Variants in CLSTN2 observed in about 807,000 individuals in gnomAD.
CLSTN2 encodes the protein calsyntenin-2.
Under a neutral mutation model 101.2 loss-of-function variants are expected in CLSTN2, and 48 were observed. The observed-to-expected ratio is 0.47, with a 90% confidence interval of 0.38 to 0.60. The LOEUF is 0.60. Among genes scored for constraint, CLSTN2 ranks in the 20% least tolerant of loss-of-function variants. The pLI is 0.00. For synonymous variants in CLSTN2, 481 were observed against 463.6 expected, an observed-to-expected ratio of 1.04 and a Z score of -0.48; for missense variants, 1,160 against 1,238.2, an observed-to-expected ratio of 0.94 and a Z score of 0.95.
intron 10 of CLSTN2, among the ~76,000 whole-genome samples, chr3:140,547,134 A>G (rs886224411): frequency 2.0e-5 from 3 of 152,236 alleles, no homozygotes; most frequent in African/African-American, 4.8e-5. Flanking sequence ...ATGAGAAAGC[A>G]GGTATGGAGG....
At chr3:140,430,142 G>A (rs942642616) in intron 5 of CLSTN2, among the ~76,000 whole-genome samples, 32 of 152,280 alleles carry the variant, frequency 2.1e-4, no homozygotes, top group African/African-American at 7.5e-4. Flanking sequence ...GTGGGCTCAG[G>A]GCATTGCCAG....
chr3:140,144,639 C>T (rs892006995), intron 1 of CLSTN2, among the ~76,000 whole-genome samples: 1 of 152,050 alleles, frequency 6.6e-6, no homozygotes. Context: ...ACTTAAAATG[C>T]TTCCACCCAT....
At chr3:140,056,500 T>C (rs907977723) in intron 1 of CLSTN2, among the ~76,000 whole-genome samples, 2 of 152,194 alleles carry the variant, frequency 1.3e-5, no homozygotes, top group African/African-American at 4.8e-5. Flanking sequence ...AGGACAGGAC[T>C]GAACTCTGTA....
intron 1 of CLSTN2, among the ~76,000 whole-genome samples, chr3:140,102,547 G>T (rs1379430706): frequency 2.0e-5 from 3 of 152,176 alleles, no homozygotes; most frequent in Non-Finnish European, 2.9e-5. Flanking sequence ...ACTGTGGGTT[G>T]CCTGGCAAGA....
intron 8 of CLSTN2, chr3:140,507,082 T>G (rs928334422): frequency 6.6e-5 from 10 of 152,154 alleles, no homozygotes; most frequent in Admixed American, 5.9e-4. Flanking sequence ...GGGTTGAGCC[T>G]CTTCCTGGAC....
At chr3:140,306,291 AG>A (rs1314823092) in intron 2 of CLSTN2, among the ~76,000 whole-genome samples, 2 of 152,222 alleles carry the variant, frequency 1.3e-5, no homozygotes, top group Non-Finnish European at 2.9e-5. Context: ...TGCCATGAAG[AG>A]TCTTTCCTTA....
chr3:140,103,654 C>G (rs1423791687), intron 1 of CLSTN2, among the ~76,000 whole-genome samples: 1 of 152,152 alleles, frequency 6.6e-6, no homozygotes. Flanking sequence ...TAGGCTCAGC[C>G]ATGTCTAGAC....
At position 140,377,186 on chromosome 3, in the gene CLSTN2, A is replaced by G. The variant is rs754686762; in HGVS notation, c.233-26443A>G. On this transcript the variant is annotated intron_variant, in intron 2 of 16. Coordinates refer to ENST00000458420, the MANE Select transcript of CLSTN2 (RefSeq NM_022131.3). ...TAGCCATTGTAGCTCATATCATTGC[A>G]CATTACTCATGTGTTTGTGGTGATG... Among the ~76,000 whole-genome samples, 129 of 152,360 alleles carry G rather than the reference A, an allele frequency of 8.5e-4. 1 individual carries two copies. The highest frequency in any genetic ancestry group is 1.3e-3 in the Non-Finnish European group (89 of 68,024).
intron 7 of CLSTN2, among the ~76,000 whole-genome samples, chr3:140,461,998 T>G (rs1394498424): frequency 1.0e-4 from 8 of 78,478 alleles, no homozygotes; most frequent in African/African-American, 3.0e-4. Context: ...ATCAAAATTT[T>G]TTTCAAGTCA....
chr3:140,139,989 A>C (rs1009364716), intron 1 of CLSTN2, among the ~76,000 whole-genome samples: 1 of 152,244 alleles, frequency 6.6e-6, no homozygotes, highest in Non-Finnish European at 1.5e-5. Flanking sequence ...TAGAGCCTAC[A>C]GAGGGGTCTC....
chr3:140,338,513 C>T (rs2087463287), intron 2 of CLSTN2, among the ~76,000 whole-genome samples: 2 of 152,136 alleles, frequency 1.3e-5, no homozygotes, highest in Admixed American at 1.3e-4. Flanking sequence ...CCATCTTTCC[C>T]ACAAGGGTGG....
At chr3:140,294,993 C>T (rs1407608538) in intron 2 of CLSTN2, among the ~76,000 whole-genome samples, 3 of 152,200 alleles carry the variant, frequency 2.0e-5, no homozygotes, top group Non-Finnish European at 4.4e-5. Context: ...AAGGCCCCAC[C>T]TCCTAAATGC....
At chr3:140,203,874 G>T (rs1279930899) in intron 2 of CLSTN2, among the ~76,000 whole-genome samples, 1 of 152,202 alleles carries the variant, frequency 6.6e-6, no homozygotes, top group Non-Finnish European at 1.5e-5. Context: ...TAACCCGCAA[G>T]ATTCTGTCTA....
In CLSTN2 at chr3:140,012,527, G is replaced by A. The variant is rs114592017; in HGVS notation, c.109+77044G>A. Among the ~76,000 whole-genome samples the A allele has an allele frequency of 9.4e-3, 1,431 of 152,212 alleles. 22 individuals carry two copies. The highest frequency in any genetic ancestry group is 0.033 in the African/African-American group (1,385 of 41,510). The stretch of plus-strand genomic sequence containing the variant: ...TTGTAGCAGCTCCAGATAATGCATC[G>A]ATGTTGCAGGGAAGAAGGGGCAAAG... On this transcript the variant is annotated intron_variant, in intron 1 of 16. Transcript: ENST00000458420.
At chr3:140,054,845 T>C (rs1039683027) in intron 1 of CLSTN2, among the ~76,000 whole-genome samples, 7 of 152,208 alleles carry the variant, frequency 4.6e-5, no homozygotes, top group Non-Finnish European at 7.3e-5. Context: ...AAAGCTGATG[T>C]CATAAGAGGC....
intron 1 of CLSTN2, among the ~76,000 whole-genome samples, chr3:139,993,065 G>A (rs1390312476): frequency 6.6e-6 from 1 of 152,152 alleles, no homozygotes; most frequent in East Asian, 1.9e-4. Flanking sequence ...CAATGCGTGA[G>A]ATCTTAATTG....
chr3:140,533,480 C>T (rs551708301), intron 9 of CLSTN2, among the ~76,000 whole-genome samples: 11 of 152,122 alleles, frequency 7.2e-5, no homozygotes, highest in East Asian at 5.8e-4. Context: ...GAGGCCAAAG[C>T]GGGCAGATCA....
intron 1 of CLSTN2, among the ~76,000 whole-genome samples, chr3:140,042,304 T>C (rs541015924): frequency 1.1e-4 from 17 of 152,330 alleles, no homozygotes; most frequent in African/African-American, 4.1e-4. Flanking sequence ...ATATTGAGTA[T>C]TGCGCATAAA....
At chr3:140,463,022 G>C (rs982927917) in intron 7 of CLSTN2, among the ~76,000 whole-genome samples, 39 of 152,214 alleles carry the variant, frequency 2.6e-4, no homozygotes, top group African/African-American at 9.4e-4. Context: ...AATAGGGTTA[G>C]GTGAACACAT....
Sources: gnomAD v4.1 joint callset for allele counts (sites outside exome capture counted in the v4.1 genomes callset) on GRCh38, gnomAD v4.1.1 for gene constraint, MANE v1.5 for transcripts, NCBI Gene and HGNC (gene_info 2026-07-23, HGNC 2026-07-21) for gene names.